Variants in C9orf50 observed in about 807,000 individuals in gnomAD.
The protein encoded by C9orf50 is chromosome 9 open reading frame 50.
C9orf50 carries 33 observed loss-of-function variants against 42.5 expected under a neutral mutation model. The observed-to-expected ratio is 0.78, with a 90% CI of 0.59 to 1.04. C9orf50 has a LOEUF of 1.04. Ranked by LOEUF, C9orf50 falls within the 50% of genes least tolerant of loss-of-function variation. The pLI, the probability that C9orf50 is intolerant of heterozygous loss-of-function variation, is 0.00. For synonymous variants in C9orf50, 257 were observed against 273.4 expected, an observed-to-expected ratio of 0.94 and a Z score of 0.59; for missense variants, 547 against 594.3, an observed-to-expected ratio of 0.92 and a Z score of 0.83.
chr9:129,615,693 C>G (rs768948539), intron 3 of C9orf50, 46 bp from the exon 4 acceptor site: 7 of 1,486,566 alleles, frequency 4.7e-6, no homozygotes, highest in African/African-American at 1.4e-5. Flanking sequence ...CCCACCGTAC[C>G]CCAGCACACA....
rs1225987144 is a variant in C9orf50, at chr9:129,620,335, C to G, written c.240G>C (p.Leu80=). 2 of 1,231,694 alleles carry G rather than the reference C, an allele frequency of 1.6e-6. No homozygotes were observed. Among genetic ancestry groups the G allele is most frequent in the East Asian group, 6.5e-5 (2 of 30,946 alleles). The allele number at this position is 1,231,694 out of a possible 1,614,324, so 76.3% of individuals were successfully genotyped here. ...GCCGGGTCGCGGTGAGCAAGGCGGG[C>G]AGGCGCGGCGGGAGGCGTCCGACGC... The change falls in exon 1 of 7, where the codon CTG becomes CTC. Residue 80 remains leucine (L), a synonymous_variant. Coordinates refer to ENST00000372478, the Ensembl canonical transcript of C9orf50. The surrounding 1 kb of genome is among the most constrained non-coding windows in gnomAD (Gnocchi z 5.8).
chr9:129,615,073 G>A (rs762445477), intron 4 of C9orf50, among the ~76,000 whole-genome samples: 9 of 152,188 alleles, frequency 5.9e-5, no homozygotes, highest in Non-Finnish European at 1.2e-4. Context: ...GGCAGGCTTC[G>A]AGGTCTGCCT....
At chr9:129,619,348 G>T (rs974798610) in intron 3 of C9orf50, among the ~76,000 whole-genome samples, 172 bp downstream of exon 3, 5 of 152,186 alleles carry the variant, frequency 3.3e-5, no homozygotes, top group Admixed American at 3.3e-4. Flanking sequence ...ACTGGCGAAT[G>T]AATCTTGAAT....
rs544900872 is a variant in C9orf50 at position 129,614,076 on chromosome 9, G to A, written c.881-479C>T. Reference sequence around the variant, plus strand: ...ACGTCTCCTGGGCACCCTGCTGCCCGGGACACCATGATAGCTCCTTATGGC... The same window carrying A: ...ACGTCTCCTGGGCACCCTGCTGCCCAGGACACCATGATAGCTCCTTATGGC... On this transcript the variant is annotated intron_variant, in intron 4 of 6. Coordinates refer to ENST00000372478, the Ensembl canonical transcript of C9orf50. This position sits in a 1 kb window ranked among gnomAD's most constrained non-coding sequence, Gnocchi z 4.4. Among the ~76,000 whole-genome samples, 37 of 152,316 alleles carry A rather than the reference G, an allele frequency of 2.4e-4. No homozygotes were observed. Among genetic ancestry groups the A allele is most frequent in the African/African-American group, 7.0e-4 (29 of 41,574 alleles).
At chr9:129,615,355 C>T (rs779247408) in intron 4 of C9orf50, 129 bp downstream of exon 4, 4 of 1,030,444 alleles carry the variant, frequency 3.9e-6, no homozygotes, top group Non-Finnish European at 5.4e-6. Flanking sequence ...GGCACATCCT[C>T]TGCAGGATCA....
At position 129,620,546 on chromosome 9, in the gene C9orf50, GCCCC is replaced by G; in HGVS notation, c.25_28del (p.Gly9ProfsTer26). ...GAGCCCCTTGGGCGCCAGGTCCTGGGCCCCTGGGCGAAGTCGACGCCAGAACATG... is the reference window on the plus strand; with the variant it reads ...GAGCCCCTTGGGCGCCAGGTCCTGGGTGGGCGAAGTCGACGCCAGAACATG... On this transcript the variant is annotated frameshift_variant, in exon 1 of 7. Coordinates refer to ENST00000372478, the Ensembl canonical transcript of C9orf50. LOFTEE classifies it high-confidence loss of function. This position sits in a 1 kb window ranked among gnomAD's most constrained non-coding sequence, Gnocchi z 5.8. 2 of 1,403,044 alleles carry G rather than the reference GCCCC, an allele frequency of 1.4e-6. No individual in the cohort carries two copies. Among genetic ancestry groups the G allele is most frequent in the Non-Finnish European group, 1.9e-6 (2 of 1,075,554 alleles). The allele number at this position is 1,403,044 out of a possible 1,614,324, so 86.9% of individuals were successfully genotyped here. A position where few individuals can be genotyped will look rare whatever the true frequency, so the allele number is the denominator to read the frequency against.
intron 3 of C9orf50, 57 bp from the exon 4 acceptor site, chr9:129,615,704 C>G (rs926869474): frequency 2.7e-6 from 4 of 1,466,420 alleles, no homozygotes; most frequent in Non-Finnish European, 3.6e-6. Context: ...CCAGCACACA[C>G]GCACCAGCCC....
rs1482266783 is a variant in C9orf50 at position 129,614,502 on chromosome 9, G to A, written c.881-905C>T. ...CTGTTGGGGACCCTGGGGGCTGCTGGATCCTGAGAAGAGGCTGGGCACACA... is the reference window on the plus strand; with the variant it reads ...CTGTTGGGGACCCTGGGGGCTGCTGAATCCTGAGAAGAGGCTGGGCACACA... On this transcript the variant is annotated intron_variant, in intron 4 of 6. Coordinates refer to ENST00000372478, the Ensembl canonical transcript of C9orf50. The surrounding 1 kb of genome is among the most constrained non-coding windows in gnomAD (Gnocchi z 4.4). 6.6e-6 allele frequency among the ~76,000 whole-genome samples: 1 copy of A among 152,212 alleles called. No homozygotes were observed. Among genetic ancestry groups the A allele is most frequent in the African/African-American group, 2.4e-5 (1 of 41,444 alleles).
At chr9:129,619,499 C>G in intron 3 of C9orf50, 21 bp downstream of exon 3, 3 of 1,573,238 alleles carry the variant, frequency 1.9e-6, no homozygotes, top group Non-Finnish European at 2.6e-6. Context: ...CTACCCTACC[C>G]TTATCCCGCC....
exon 7 of C9orf50, chr9:129,612,232 G>T (rs886953969): frequency 1.2e-5 from 10 of 810,440 alleles, no homozygotes; most frequent in Non-Finnish European, 2.0e-5. Flanking sequence ...GGCTTGTGGT[G>T]TGACACCTAC....
chr9:129,620,055 G>A lies in C9orf50; in HGVS notation c.508+12C>T, dbSNP rs560342192. On this transcript the variant is annotated intron_variant, in intron 1 of 6. Transcript: ENST00000372478. This position sits in a 1 kb window ranked among gnomAD's most constrained non-coding sequence, Gnocchi z 5.8. Reference sequence around the variant, plus strand: ...GACTCGGGCCCGCCCCCCGGGCCCCGCGGGGCCTCACTCAGTGGCTCCGGC... The same window carrying A: ...GACTCGGGCCCGCCCCCCGGGCCCCACGGGGCCTCACTCAGTGGCTCCGGC... The A allele has an allele frequency of 5.4e-5, 78 of 1,447,998 alleles. 1 individual carries two copies. The African/African-American group carries it at 9.8e-4, about 18-fold the overall frequency. 89.7% of individuals were successfully genotyped at this position (1,447,998 alleles called of 1,614,324 possible).
In C9orf50 at chr9:129,620,587, A is replaced by C. The variant is rs1423833226; in HGVS notation, c.-13T>G. ...GACGCCAGAACATGCTTGGCCCCGC[A>C]CTCAGCTCACCGCACCCTCAGCGCG... On this transcript the variant is annotated 5_prime_UTR_variant, in exon 1 of 7. Coordinates refer to ENST00000372478, the Ensembl canonical transcript of C9orf50. This position sits in a 1 kb window ranked among gnomAD's most constrained non-coding sequence, Gnocchi z 5.8. The C allele has an allele frequency of 1.5e-6, 2 of 1,330,840 alleles. No individual in the cohort carries two copies. The highest frequency in any genetic ancestry group is 3.0e-5 in the African/African-American group (2 of 66,396). The allele number at this position is 1,330,840 out of a possible 1,614,324, so 82.4% of individuals were successfully genotyped here.
In C9orf50 at chr9:129,613,015, C is replaced by G; in HGVS notation, c.1188+92G>C. The G allele has an allele frequency of 6.5e-7, 1 of 1,539,516 alleles. No individual in the cohort carries two copies. The highest frequency in any genetic ancestry group is 8.8e-7 in the Non-Finnish European group (1 of 1,135,800). On this transcript the variant is annotated intron_variant, in intron 6 of 6. Transcript: ENST00000372478. The surrounding 1 kb of genome is among the most constrained non-coding windows in gnomAD (Gnocchi z 6.2). ...TCTCAGGGAGGGTCCACTCCCAGCC[C>G]CAGCCACTCCACCAAACAGGGCTGC...
chr9:129,617,677 G>GT (rs1316908810), intron 3 of C9orf50, among the ~76,000 whole-genome samples: 56 of 150,830 alleles, frequency 3.7e-4, no homozygotes, highest in East Asian at 3.7e-3. Context: ...GTGTTTCACT[G>GT]TTTTTGTTTG....
chr9:129,620,057 G>A lies in C9orf50; in HGVS notation c.508+10C>T. 1 of 1,447,468 alleles carries A rather than the reference G, an allele frequency of 6.9e-7. No homozygotes were observed. The highest frequency in any genetic ancestry group is 9.1e-7 in the Non-Finnish European group (1 of 1,099,044). 89.7% of individuals were successfully genotyped at this position (1,447,468 alleles called of 1,614,324 possible). ...CTCGGGCCCGCCCCCCGGGCCCCGC[G>A]GGGCCTCACTCAGTGGCTCCGGCTC... On this transcript the variant is annotated intron_variant, in intron 1 of 6. Coordinates refer to ENST00000372478, the Ensembl canonical transcript of C9orf50. This position sits in a 1 kb window ranked among gnomAD's most constrained non-coding sequence, Gnocchi z 5.8.
At chr9:129,612,567 C>T (rs1830143883) in intron 6 of C9orf50, 113 bp from the exon 7 acceptor site, 1 of 774,150 alleles carries the variant, frequency 1.3e-6, no homozygotes, top group Non-Finnish European at 2.1e-6. Context: ...CTGTCAGCCC[C>T]ATTTTAAAAG....
rs968494613 is a variant in C9orf50, at chr9:129,613,757, G to A, written c.881-160C>T. Among the ~76,000 whole-genome samples, 1 of 152,184 alleles carries A rather than the reference G, an allele frequency of 6.6e-6. No homozygotes were observed. The highest frequency in any genetic ancestry group is 2.4e-5 in the African/African-American group (1 of 41,448). The stretch of plus-strand genomic sequence containing the variant: ...TCTGGCTGCCTCCAGAGAAGCCTTG[G>A]GTTTTAAAACCACCTTGCGTGACCA... On this transcript the variant is annotated intron_variant, in intron 4 of 6. Transcript: ENST00000372478. This position sits in a 1 kb window ranked among gnomAD's most constrained non-coding sequence, Gnocchi z 6.2.
At position 129,614,344 on chromosome 9, in the gene C9orf50, A is replaced by G. The variant is rs144710643; in HGVS notation, c.881-747T>C. Among the ~76,000 whole-genome samples, 1,358 of 152,314 alleles carry G rather than the reference A, an allele frequency of 8.9e-3. 17 individuals carry two copies. Among genetic ancestry groups the G allele is most frequent in the African/African-American group, 0.028 (1,157 of 41,556 alleles). ...ACTCCAGCTTCCTGTCACGCTAAGG[A>G]GGCTGCGTCAGATCCCTCCCAAATC... On this transcript the variant is annotated intron_variant, in intron 4 of 6. Coordinates refer to ENST00000372478, the Ensembl canonical transcript of C9orf50. The surrounding 1 kb of genome is among the most constrained non-coding windows in gnomAD (Gnocchi z 4.4).
At chr9:129,619,900 G>T (rs1200641966) in intron 1 of C9orf50, 70 bp from the exon 2 acceptor site, 2 of 1,547,568 alleles carry the variant, frequency 1.3e-6, no homozygotes, top group African/African-American at 2.7e-5. Flanking sequence ...TGGCCTCGGG[G>T]TGATGGCAGA....
Sources: gnomAD v4.1 joint callset for allele counts (sites outside exome capture counted in the v4.1 genomes callset) on GRCh38, gnomAD v4.1.1 for gene constraint, Gnocchi (gnomAD v3.1) non-coding constraint, MANE v1.5 for transcripts, NCBI Gene and HGNC (gene_info 2026-07-23, HGNC 2026-07-21) for gene names.